The following RPH3A variants were observed in gnomAD, a reference collection of about 807,000 sequenced individuals.
RPH3A encodes the protein rabphilin-3A.
RPH3A carries 48 observed loss-of-function variants against 102.2 expected under a neutral mutation model. The ratio of observed to expected loss-of-function variants is 0.47; its 90% CI spans 0.37 to 0.60. The LOEUF (loss-of-function observed/expected upper bound fraction) is 0.60, where lower values mean the gene tolerates loss of function less well. Among genes scored for constraint, RPH3A ranks in the 20% least tolerant of loss-of-function variants. The pLI is 0.00. For synonymous variants in RPH3A, 310 were observed against 324.3 expected (o/e 0.96, Z 0.47); for missense variants, 781 against 910.1 (o/e 0.86, Z 1.83).
rs563635938 is a variant in RPH3A, at chr12:112,769,088, C to G, written c.-139-23055C>G. On this transcript the variant is annotated intron_variant, in intron 1 of 21. Coordinates refer to the RPH3A transcript ENST00000543106. ...TTGTTCATGACTGTATTCCTAGTAC[C>G]TAGCACAGTGCCTGGCACAGTCAGT... 3.5e-4 allele frequency among the ~76,000 whole-genome samples: 54 copies of G among 152,322 alleles called. 1 individual carries two copies. In the South Asian group the frequency reaches 0.011, roughly 30 times the overall value.
At chr12:112,631,130 C>T (rs2039801050) in intron 1 of RPH3A, among the ~76,000 whole-genome samples, 1 of 152,130 alleles carries the variant, frequency 6.6e-6, no homozygotes, top group African/African-American at 2.4e-5. Context: ...TACCCTTGTC[C>T]TGTGGCTTCT....
Position 112,622,733 on chromosome 12 carries a change from A to T in RPH3A, c.-140+47414A>T, listed in dbSNP as rs1223534585. ...TGCCACAAAGATACTCCTCGAGAAG[A>T]GCAACTCCAAGACACATAATTGTCA... On this transcript the variant is annotated intron_variant, in intron 1 of 21. Coordinates refer to the RPH3A transcript ENST00000543106. Among the ~76,000 whole-genome samples the T allele has an allele frequency of 2.0e-5, 3 of 148,344 alleles. No individual in the cohort carries two copies. In the South Asian group the frequency reaches 6.5e-4, roughly 32 times the overall value.
intron 5 of RPH3A, among the ~76,000 whole-genome samples, chr12:112,858,310 A>G (rs996177068): frequency 1.3e-5 from 2 of 150,664 alleles, no homozygotes; most frequent in Non-Finnish European, 3.0e-5. Flanking sequence ...GAAAAGAAAA[A>G]GAAAAAAAAA....
At chr12:112,586,703 T>G (rs1023276814) in intron 1 of RPH3A, among the ~76,000 whole-genome samples, 1 of 152,156 alleles carries the variant, frequency 6.6e-6, no homozygotes, top group Admixed American at 6.5e-5. Flanking sequence ...CATGTCCTCA[T>G]GTAATCTTCC....
chr12:112,876,786 C>T lies in RPH3A; in HGVS notation c.1091C>T (p.Pro364Leu), dbSNP rs748727031. The T allele has an allele frequency of 6.8e-6, 11 of 1,610,740 alleles. No homozygotes were observed. The highest frequency in any genetic ancestry group is 1.6e-4 in the Middle Eastern group (1 of 6,078). Residue 364 changes from proline to leucine, a missense_variant, in exon 13 of 22, where the codon CCC (proline) becomes CTC (leucine). Pro to Leu is a moderately conservative substitution (Grantham distance 98, BLOSUM62 -3). Coordinates refer to ENST00000389385, the MANE Select transcript of RPH3A (RefSeq NM_001143854.2). ...TATTCCCAAGCATCTGCAGCTGCCC[C>T]CCAGCCTGCTGCAGCCCGCCAGCCA... ...GPYSQASAAA[P>L]QPAAARQPPP...
intron 1 of RPH3A, among the ~76,000 whole-genome samples, chr12:112,671,375 A>G (rs113967884): frequency 2.6e-5 from 4 of 152,188 alleles, no homozygotes; most frequent in Non-Finnish European, 2.9e-5. Flanking sequence ...CTATCATTTC[A>G]TGGTCTAAAA....
chr12:112,640,552 G>A (rs988434309), intron 1 of RPH3A, among the ~76,000 whole-genome samples: 1 of 151,588 alleles, frequency 6.6e-6, no homozygotes, highest in African/African-American at 2.4e-5. Flanking sequence ...GTTACCCTGG[G>A]CCATTCGATG....
At position 112,896,848 on chromosome 12, in the gene RPH3A, C is replaced by T; in HGVS notation, c.*68C>T. ...AGCCTGCTCTAGCTGCCCACCGCACCCTGATCTCTCTTCTCTATGCCTACC... is the reference window on the plus strand; with the variant it reads ...AGCCTGCTCTAGCTGCCCACCGCACTCTGATCTCTCTTCTCTATGCCTACC... On this transcript the variant is annotated 3_prime_UTR_variant, in exon 22 of 22. Transcript: ENST00000389385. 1 of 1,575,958 alleles carries T rather than the reference C, an allele frequency of 6.3e-7. No homozygotes were observed. Among genetic ancestry groups the T allele is most frequent in the Non-Finnish European group, 8.7e-7 (1 of 1,152,048 alleles).
At chr12:112,644,749 G>A (rs2039916068) in intron 1 of RPH3A, among the ~76,000 whole-genome samples, 1 of 152,186 alleles carries the variant, frequency 6.6e-6, no homozygotes, top group African/African-American at 2.4e-5. Flanking sequence ...ATCTTTAGCT[G>A]CCATGTAGAT....
chr12:112,865,648 T>A, intron 6 of RPH3A, 105 bp downstream of exon 6: 1 of 1,249,788 alleles, frequency 8.0e-7, no homozygotes, highest in Non-Finnish European at 1.1e-6. Flanking sequence ...GGAGCTTGGA[T>A]CCTGAAGATC....
At chr12:112,660,137 G>A (rs2040039645) in intron 1 of RPH3A, among the ~76,000 whole-genome samples, 1 of 151,966 alleles carries the variant, frequency 6.6e-6, no homozygotes, top group Non-Finnish European at 1.5e-5. Flanking sequence ...ACAAATATAT[G>A]CATATTATGT....
chr12:112,647,443 T>A (rs1489175310), intron 1 of RPH3A, among the ~76,000 whole-genome samples: 1 of 152,218 alleles, frequency 6.6e-6, no homozygotes, highest in Non-Finnish European at 1.5e-5. Context: ...GCGTGATAGG[T>A]GTGTTATTCT....
At chr12:112,694,579 G>T (rs1004405562) in intron 1 of RPH3A, among the ~76,000 whole-genome samples, 13 of 151,976 alleles carry the variant, frequency 8.6e-5, no homozygotes, top group Non-Finnish European at 1.6e-4. Flanking sequence ...CAGAGAGAGA[G>T]AGAAAGGCAG....
intron 4 of RPH3A, among the ~76,000 whole-genome samples, chr12:112,844,843 A>G (rs966188549): frequency 6.6e-6 from 1 of 152,204 alleles, no homozygotes; most frequent in Non-Finnish European, 1.5e-5. Flanking sequence ...GGCAGCCCTG[A>G]CACAAGGTCA....
chr12:112,727,497 C>CT (rs1354424141), intron 1 of RPH3A, among the ~76,000 whole-genome samples: 2 of 88,598 alleles, frequency 2.3e-5, no homozygotes, highest in Admixed American at 2.4e-4. Flanking sequence ...ACACAGACCC[C>CT]CCCCCCCCAC....
intron 1 of RPH3A, among the ~76,000 whole-genome samples, chr12:112,651,130 C>T (rs191652663): frequency 1.3e-3 from 195 of 150,880 alleles, no homozygotes; most frequent in Non-Finnish European, 2.2e-3. Flanking sequence ...GAGGCTGAGA[C>T]GGGTGGATCG....
intron 1 of RPH3A, among the ~76,000 whole-genome samples, chr12:112,785,977 A>G (rs763680154): frequency 6.6e-6 from 1 of 151,738 alleles, no homozygotes; most frequent in Non-Finnish European, 1.5e-5. Context: ...ACTCATTGCT[A>G]TTCATTAGCT....
intron 2 of RPH3A, among the ~76,000 whole-genome samples, chr12:112,793,824 T>A (rs1432036307): frequency 6.6e-6 from 1 of 152,138 alleles, no homozygotes; most frequent in East Asian, 1.9e-4. Flanking sequence ...CCTGCTGTAC[T>A]GAGTGTTAAT....
At chr12:112,831,833 G>A (rs1345385880) in intron 3 of RPH3A, 2 of 455,934 alleles carry the variant, frequency 4.4e-6, no homozygotes, top group Non-Finnish European at 8.8e-6. Flanking sequence ...CCCTTCCTCT[G>A]TAGATGGTTT....
Sources: allele counts gnomAD v4.1 joint callset (sites outside exome capture counted in the v4.1 genomes callset), GRCh38; gene constraint gnomAD v4.1.1; transcripts MANE v1.5; gene names NCBI Gene and HGNC (gene_info 2026-07-23, HGNC 2026-07-21).